The following CHSY3 variants were observed in gnomAD, a reference collection of about 807,000 sequenced individuals.
The protein encoded by CHSY3 is chondroitin sulfate synthase 3.
A neutral mutation model predicts 67.2 loss-of-function variants in CHSY3; 35 were observed. The ratio of observed to expected loss-of-function variants is 0.52; its 90% CI spans 0.40 to 0.69. CHSY3 has a LOEUF of 0.69. Ranked by LOEUF, CHSY3 falls within the 30% of genes least tolerant of loss-of-function variation. CHSY3 has a pLI of 0.00. For synonymous variants in CHSY3, 474 were observed against 434.7 expected (o/e 1.09, Z -1.12); for missense variants, 1,069 against 1,138.5 (o/e 0.94, Z 0.88).
At chr5:129,932,735 A>G (rs1761357485) in intron 2 of CHSY3, among the ~76,000 whole-genome samples, 1 of 152,096 alleles carries the variant, frequency 6.6e-6, no homozygotes, top group South Asian at 2.1e-4. Flanking sequence ...ATTGACTAAT[A>G]CCCATTTTAA....
chr5:130,127,092 T>A (rs576220543), intron 2 of CHSY3, among the ~76,000 whole-genome samples: 48 of 152,314 alleles, frequency 3.2e-4, no homozygotes, highest in Non-Finnish European at 5.1e-4. Context: ...GGGAATCTAA[T>A]CTGAATCAAA....
chr5:129,947,866 T>C (rs1348404253), intron 2 of CHSY3, among the ~76,000 whole-genome samples: 1 of 152,214 alleles, frequency 6.6e-6, no homozygotes, highest in African/African-American at 2.4e-5. Context: ...GGATTAGTGA[T>C]GTTGAACACC....
chr5:129,997,872 G>C (rs1392157189), intron 2 of CHSY3, among the ~76,000 whole-genome samples: 1 of 152,138 alleles, frequency 6.6e-6, no homozygotes, highest in Non-Finnish European at 1.5e-5. Flanking sequence ...GTATTCCATG[G>C]TGTATATGTG....
At chr5:130,015,203 G>T (rs919435318) in intron 2 of CHSY3, among the ~76,000 whole-genome samples, 3 of 152,066 alleles carry the variant, frequency 2.0e-5, no homozygotes, top group African/African-American at 7.2e-5. Flanking sequence ...GTCATATAAA[G>T]ATATGCTGGC....
chr5:130,138,184 TGG>T (rs1768728816), intron 2 of CHSY3, among the ~76,000 whole-genome samples: 5 of 152,166 alleles, frequency 3.3e-5, no homozygotes, highest in Non-Finnish European at 7.4e-5. Context: ...AGAAGCTCCT[TGG>T]GCAGAAGTGT....
intron 2 of CHSY3, among the ~76,000 whole-genome samples, chr5:130,047,096 T>G (rs565142726): frequency 5.3e-4 from 81 of 152,046 alleles, no homozygotes; most frequent in African/African-American, 1.9e-3. Context: ...TTTATTTCCA[T>G]GTCTTCTGTA....
chr5:130,076,315 T>C (rs1036779980), intron 2 of CHSY3, among the ~76,000 whole-genome samples: 1 of 151,716 alleles, frequency 6.6e-6, no homozygotes, highest in Non-Finnish European at 1.5e-5. Flanking sequence ...TTCTTTCTTT[T>C]TTTTTTTTTT....
intron 2 of CHSY3, among the ~76,000 whole-genome samples, chr5:129,958,543 C>G (rs1762243242): frequency 6.6e-6 from 1 of 152,070 alleles, no homozygotes; most frequent in Admixed American, 6.6e-5. Context: ...AACTTTTGTA[C>G]AGAGCAAGAT....
At chr5:129,933,082 A>G (rs1334340209) in intron 2 of CHSY3, among the ~76,000 whole-genome samples, 1 of 152,196 alleles carries the variant, frequency 6.6e-6, no homozygotes, top group Admixed American at 6.5e-5. Context: ...TGATACAAAT[A>G]TATAAAGCAG....
At chr5:130,096,904 A>G (rs1264548918) in intron 2 of CHSY3, among the ~76,000 whole-genome samples, 1 of 152,160 alleles carries the variant, frequency 6.6e-6, no homozygotes, top group East Asian at 1.9e-4. Flanking sequence ...TCCTTATAGT[A>G]TTAACATTTT....
At chr5:130,089,014 C>T (rs1309489882) in intron 2 of CHSY3, among the ~76,000 whole-genome samples, 1 of 151,920 alleles carries the variant, frequency 6.6e-6, no homozygotes, top group Non-Finnish European at 1.5e-5. Flanking sequence ...AAATGTGGCA[C>T]ATATACACCA....
At chr5:130,072,651 T>G (rs1766114590) in intron 2 of CHSY3, among the ~76,000 whole-genome samples, 1 of 152,128 alleles carries the variant, frequency 6.6e-6, no homozygotes, top group African/African-American at 2.4e-5. Flanking sequence ...TGGGGTCATT[T>G]GTGGTTCCAT....
intron 2 of CHSY3, among the ~76,000 whole-genome samples, chr5:130,085,924 G>C (rs576153476): frequency 6.6e-6 from 1 of 152,246 alleles, no homozygotes; most frequent in South Asian, 2.1e-4. Context: ...GCGGTTTTGG[G>C]TGAGTTTCTT....
intron 2 of CHSY3, among the ~76,000 whole-genome samples, chr5:130,030,297 CT>C (rs1256683001): frequency 6.6e-6 from 1 of 152,054 alleles, no homozygotes; most frequent in Non-Finnish European, 1.5e-5. Flanking sequence ...GTTTTAATGA[CT>C]TTTAAAATTG....
chr5:130,127,814 T>C (rs561690553), intron 2 of CHSY3, among the ~76,000 whole-genome samples: 2 of 152,158 alleles, frequency 1.3e-5, no homozygotes, highest in Non-Finnish European at 1.5e-5. Context: ...TAAAGAATAT[T>C]ATTTTAGAGT....
chr5:130,124,109 G>A (rs1355661613), intron 2 of CHSY3, among the ~76,000 whole-genome samples: 2 of 148,904 alleles, frequency 1.3e-5, no homozygotes, highest in Non-Finnish European at 3.0e-5. Context: ...GCATAAAATT[G>A]ACTATATAAT....
chr5:130,165,280 T>C (rs1769710462), intron 2 of CHSY3, among the ~76,000 whole-genome samples: 1 of 151,988 alleles, frequency 6.6e-6, no homozygotes, highest in Non-Finnish European at 1.5e-5. Context: ...CCAGAAGATA[T>C]GAAGAAGAGA....
chr5:130,041,649 A>G (rs2149665631), intron 2 of CHSY3, among the ~76,000 whole-genome samples: 1 of 152,260 alleles, frequency 6.6e-6, no homozygotes, highest in Middle Eastern at 3.4e-3. Flanking sequence ...ATAAGCAAAG[A>G]GAGAGAGTGA....
intron 2 of CHSY3, among the ~76,000 whole-genome samples, chr5:130,029,106 C>G (rs941754004): frequency 3.3e-5 from 5 of 152,082 alleles, no homozygotes; most frequent in Non-Finnish European, 5.9e-5. Flanking sequence ...TACTACTTCT[C>G]TCTTACCCCC....
Sources: gnomAD v4.1 joint callset for allele counts (sites outside exome capture counted in the v4.1 genomes callset) on GRCh38, gnomAD v4.1.1 for gene constraint, MANE v1.5 for transcripts, NCBI Gene and HGNC (gene_info 2026-07-23, HGNC 2026-07-21) for gene names.